TMC1: variants seen among roughly 807,000 people sequenced by gnomAD.
The protein encoded by TMC1 is transmembrane channel-like protein 1.
Under a neutral mutation model 105.8 loss-of-function variants are expected in TMC1, and 84 were observed. The observed-to-expected ratio is 0.79, with a 90% CI of 0.67 to 0.95. TMC1 has a LOEUF of 0.95. Among genes scored for constraint, TMC1 ranks in the 40% least tolerant of loss-of-function variants. TMC1 has a pLI of 0.00. For missense variants in TMC1, 817 were observed against 914.1 expected, an observed-to-expected ratio of 0.89 and a Z score of 1.37; for synonymous variants, 315 against 311.5, an observed-to-expected ratio of 1.01 and a Z score of -0.12.
At chr9:72,568,914 A>G (rs1182600846) in intron 1 of TMC1, among the ~76,000 whole-genome samples, 1 of 152,218 alleles carries the variant, frequency 6.6e-6, no homozygotes, top group African/African-American at 2.4e-5. Context: ...GAATAGTAAG[A>G]CACGGAATTA....
chr9:72,605,839 A>G (rs969047956), intron 2 of TMC1, among the ~76,000 whole-genome samples: 1 of 151,898 alleles, frequency 6.6e-6, no homozygotes, highest in Non-Finnish European at 1.5e-5. Context: ...TCCTCCCAAA[A>G]TGTTGGGATT....
intron 4 of TMC1, among the ~76,000 whole-genome samples, chr9:72,645,748 C>T (rs2132147562): frequency 6.6e-6 from 1 of 152,268 alleles, no homozygotes; most frequent in South Asian, 2.1e-4. Flanking sequence ...CATTAGGCAG[C>T]CACCTTACAG....
At chr9:72,770,626 A>G (rs1447549287) in intron 12 of TMC1, among the ~76,000 whole-genome samples, 1 of 151,858 alleles carries the variant, frequency 6.6e-6, no homozygotes, top group Non-Finnish European at 1.5e-5. Flanking sequence ...TAGATTTACT[A>G]CAGATATAAA....
intron 2 of TMC1, among the ~76,000 whole-genome samples, chr9:72,597,300 G>A (rs1824736415): frequency 6.6e-6 from 1 of 152,182 alleles, no homozygotes; most frequent in Non-Finnish European, 1.5e-5. Context: ...CCCTTGCCAA[G>A]CAGGTCAGCG....
chr9:72,818,490 G>A (rs1464662772), intron 19 of TMC1, among the ~76,000 whole-genome samples: 1 of 152,190 alleles, frequency 6.6e-6, no homozygotes, highest in Non-Finnish European at 1.5e-5. Context: ...AACACACAGT[G>A]AGAGAGAAAA....
intron 17 of TMC1, among the ~76,000 whole-genome samples, chr9:72,800,439 T>A (rs543835958): frequency 6.6e-6 from 1 of 152,292 alleles, no homozygotes; most frequent in East Asian, 1.9e-4. Flanking sequence ...TTAATAGAAT[T>A]AGCTGTAAAG....
chr9:72,827,295 C>T (rs1248190654), intron 21 of TMC1, among the ~76,000 whole-genome samples: 2 of 152,190 alleles, frequency 1.3e-5, no homozygotes, highest in African/African-American at 2.4e-5. Flanking sequence ...ATGCTAAATG[C>T]TAAATCTAAT....
At chr9:72,576,154 C>G (rs1442290168) in intron 1 of TMC1, among the ~76,000 whole-genome samples, 1 of 152,204 alleles carries the variant, frequency 6.6e-6, no homozygotes, top group African/African-American at 2.4e-5. Context: ...GAAATCAACT[C>G]TAGAAAACAG....
chr9:72,797,992 A>C (rs1828402015), intron 17 of TMC1, among the ~76,000 whole-genome samples: 2 of 152,210 alleles, frequency 1.3e-5, no homozygotes, highest in African/African-American at 4.8e-5. Flanking sequence ...TAATATGCAG[A>C]GTCTACAAGG....
At chr9:72,765,464 T>G (rs1400956085) in intron 12 of TMC1, among the ~76,000 whole-genome samples, 1 of 151,718 alleles carries the variant, frequency 6.6e-6, no homozygotes, top group Admixed American at 6.6e-5. Flanking sequence ...AGAGTAGGAA[T>G]AGAGCAGGCT....
At chr9:72,737,328 A>G (rs1024761016) in intron 8 of TMC1, among the ~76,000 whole-genome samples, 1 of 152,234 alleles carries the variant, frequency 6.6e-6, no homozygotes, top group African/African-American at 2.4e-5. Flanking sequence ...ATTGCCGTAG[A>G]ATTGACTGTG....
chr9:72,746,724 T>C (rs540380654), intron 10 of TMC1, among the ~76,000 whole-genome samples: 3 of 152,304 alleles, frequency 2.0e-5, no homozygotes, highest in African/African-American at 7.2e-5. Flanking sequence ...GATCTCTTTA[T>C]TAGTGTGAAG....
intron 8 of TMC1, among the ~76,000 whole-genome samples, chr9:72,712,072 T>C (rs141462884): frequency 2.6e-4 from 40 of 152,306 alleles, no homozygotes; most frequent in African/African-American, 9.4e-4. Context: ...AAAGATCAGA[T>C]GGTTGTAGAT....
chr9:72,569,526 T>C (rs1181041297), intron 1 of TMC1, among the ~76,000 whole-genome samples: 1 of 152,178 alleles, frequency 6.6e-6, no homozygotes, highest in Non-Finnish European at 1.5e-5. Context: ...AAAGTTTTCA[T>C]AAAGGAAGTG....
intron 2 of TMC1, among the ~76,000 whole-genome samples, chr9:72,611,139 C>A (rs552753976): frequency 5.8e-4 from 89 of 152,258 alleles, no homozygotes; most frequent in African/African-American, 2.0e-3. Context: ...TACGTATATT[C>A]CTTCAGGAAA....
chr9:72,605,246 A>G (rs1587984178), intron 2 of TMC1, among the ~76,000 whole-genome samples: 1 of 152,332 alleles, frequency 6.6e-6, no homozygotes. Context: ...ATTACCCTAA[A>G]ATTTAGCAGC....
chr9:72,524,128 G>T (rs892119453), intron 1 of TMC1, among the ~76,000 whole-genome samples: 1 of 152,118 alleles, frequency 6.6e-6, no homozygotes, highest in African/African-American at 2.4e-5. Flanking sequence ...TCTTCACCTA[G>T]CCTGAAATCA....
chr9:72,615,756 T>A (rs374164487), intron 2 of TMC1, among the ~76,000 whole-genome samples: 1 of 150,422 alleles, frequency 6.6e-6, no homozygotes, highest in Non-Finnish European at 1.5e-5. Context: ...CTTTCTTATT[T>A]TTTTTTTTTT....
At chr9:72,774,475 A>G (rs1026216456) in intron 13 of TMC1, among the ~76,000 whole-genome samples, 1 of 152,178 alleles carries the variant, frequency 6.6e-6, no homozygotes, top group East Asian at 1.9e-4. Context: ...TCAATTGTTC[A>G]GTAGCCAGAT....
Sources: gnomAD v4.1 joint callset for allele counts (sites outside exome capture counted in the v4.1 genomes callset) on GRCh38, gnomAD v4.1.1 for gene constraint, MANE v1.5 for transcripts, NCBI Gene and HGNC (gene_info 2026-07-23, HGNC 2026-07-21) for gene names.